The following VRK2 variants were observed in gnomAD, a reference collection of about 807,000 sequenced individuals.
The protein encoded by VRK2 is VRK serine/threonine kinase 2, also known as serine/threonine-protein kinase VRK2.
A neutral mutation model predicts 57.6 loss-of-function variants in VRK2; 60 were observed. The observed-to-expected ratio is 1.04, with a 90% CI of 0.85 to 1.29. VRK2 has a LOEUF of 1.29. Among genes scored for constraint, VRK2 ranks in the 50% most tolerant of loss-of-function variants. The pLI is 0.00. For missense variants in VRK2, 705 were observed against 588.1 expected (o/e 1.20, Z -2.06); for synonymous variants, 231 against 199.2 (o/e 1.16, Z -1.35).
At chr2:57,963,411 A>G (rs1220420672) in intron 1 of VRK2, among the ~76,000 whole-genome samples, 2 of 152,200 alleles carry the variant, frequency 1.3e-5, no homozygotes, top group African/African-American at 2.4e-5. Context: ...AACTGCAAAT[A>G]TATTTCTTTT....
rs562303754 is a variant in VRK2 at position 58,110,038 on chromosome 2, G to A, written c.544-13063G>A. Among the ~76,000 whole-genome samples the A allele has an allele frequency of 4.6e-5, 7 of 152,148 alleles. No individual in the cohort carries two copies. In the South Asian group the frequency reaches 1.5e-3, roughly 32 times the overall value. On this transcript the variant is annotated intron_variant, in intron 7 of 12. Transcript: ENST00000340157. ...CAGGCTTAACTAAGTGTAGAACTTGGGAATATGGCATACCTGTGTACAAAT... is the reference window on the plus strand; with the variant it reads ...CAGGCTTAACTAAGTGTAGAACTTGAGAATATGGCATACCTGTGTACAAAT...
At position 57,932,287 on chromosome 2, in the gene VRK2, G is replaced by C. The variant is rs182759219; in HGVS notation, c.-439+24448G>C. 1.8e-4 allele frequency among the ~76,000 whole-genome samples: 28 copies of C among 152,152 alleles called. 1 individual carries two copies. The highest frequency in any genetic ancestry group is 5.8e-4 in the East Asian group (3 of 5,178). On this transcript the variant is annotated intron_variant, in intron 1 of 15. Coordinates refer to the VRK2 transcript ENST00000417641. ...TGAGGAAGACTGGTATTTCTCTTTA[G>C]ATGTCTGATGGAATTTACCAGTGAA...
At chr2:58,123,258 A>G in intron 8 of VRK2, 25 bp downstream of exon 8, 2 of 1,571,346 alleles carry the variant, frequency 1.3e-6, no homozygotes, top group Non-Finnish European at 1.7e-6. Context: ...TCTTTTTCTT[A>G]TTTTTATTTC....
chr2:58,129,531 A>C (rs1678857377), intron 8 of VRK2, among the ~76,000 whole-genome samples: 2 of 152,210 alleles, frequency 1.3e-5, no homozygotes, highest in South Asian at 4.1e-4. Flanking sequence ...AAAAATTTTT[A>C]TAGTTAGACA....
chr2:58,066,679 T>C (rs1257949205), intron 2 of VRK2, among the ~76,000 whole-genome samples: 1 of 152,184 alleles, frequency 6.6e-6, no homozygotes, highest in Non-Finnish European at 1.5e-5. Context: ...TGTATAGTTA[T>C]ACAGTGAAGC....
At chr2:58,122,996 A>G (rs1167533209) in intron 7 of VRK2, 105 bp from the exon 8 acceptor site, 3 of 1,388,160 alleles carry the variant, frequency 2.2e-6, no homozygotes, top group African/African-American at 1.5e-5. Context: ...AATAAAATGT[A>G]GATCTGAGGC....
intron 1 of VRK2, among the ~76,000 whole-genome samples, chr2:57,910,677 G>GT (rs1383968077): frequency 6.6e-6 from 1 of 152,144 alleles, no homozygotes; most frequent in Non-Finnish European, 1.5e-5. Flanking sequence ...ATTTTCAAAT[G>GT]TTTGTTACCC....
chr2:57,984,527 G>A (rs1231933137), intron 1 of VRK2, among the ~76,000 whole-genome samples: 1 of 151,968 alleles, frequency 6.6e-6, no homozygotes, highest in Non-Finnish European at 1.5e-5. Flanking sequence ...GCTAACTATG[G>A]CACACACTTT....
At chr2:57,910,435 T>C (rs1435702226) in intron 1 of VRK2, among the ~76,000 whole-genome samples, 1 of 152,198 alleles carries the variant, frequency 6.6e-6, no homozygotes, top group Non-Finnish European at 1.5e-5. Flanking sequence ...TACCCCAGTC[T>C]CTTCATGACC....
rs544825152 is a variant in VRK2 at position 58,123,084 on chromosome 2, C to G, written c.544-17C>G. ...GAGGACAAAGGCATTATTCATTTGT[C>G]TGTGCTTGTCTTCCAGGTTTATCTT... On this transcript the variant is annotated splice_polypyrimidine_tract_variant and intron_variant, in intron 7 of 12. Coordinates refer to ENST00000340157, the MANE Select transcript of VRK2 (RefSeq NM_006296.7). The G allele has an allele frequency of 6.3e-7, 1 of 1,590,900 alleles. No individual in the cohort carries two copies. The highest frequency in any genetic ancestry group is 1.4e-5 in the African/African-American group (1 of 72,976).
chr2:58,058,576 T>C (rs907629506), intron 2 of VRK2: 1 of 270,174 alleles, frequency 3.7e-6, no homozygotes. Context: ...CACAGAAAAG[T>C]AAAAAAGAAT....
rs190348387 is a variant in VRK2, at chr2:58,048,823, A to G, written c.-5-4A>G. 8.7e-6 allele frequency: 14 copies of G among 1,613,322 alleles called. No homozygotes were observed. The Admixed American group carries it at 1.7e-4, about 19-fold the overall frequency. On this transcript the variant is annotated splice_polypyrimidine_tract_variant and splice_region_variant and intron_variant, in intron 1 of 12. Transcript: ENST00000340157. ...CCCATTTATCTCACCCCTTCTGCCA[A>G]CAGAAGTGATGCCACCAAAAAGAAA...
intron 5 of VRK2, among the ~76,000 whole-genome samples, chr2:58,087,674 T>A (rs1290797840): frequency 6.6e-6 from 1 of 152,126 alleles, no homozygotes; most frequent in Non-Finnish European, 1.5e-5. Flanking sequence ...ATATATGATC[T>A]TATCAAGAAA....
At chr2:58,027,467 A>T (rs1490005746) in intron 2 of VRK2, among the ~76,000 whole-genome samples, 1 of 152,118 alleles carries the variant, frequency 6.6e-6, no homozygotes. Context: ...AAACAGCAGA[A>T]AGCAGGATTT....
intron 8 of VRK2, among the ~76,000 whole-genome samples, chr2:58,123,835 A>G (rs1374017505): frequency 1.3e-5 from 2 of 151,906 alleles, no homozygotes; most frequent in Non-Finnish European, 2.9e-5. Flanking sequence ...AACCTGGGCG[A>G]CAGAGCAAGA....
intron 7 of VRK2, among the ~76,000 whole-genome samples, chr2:58,105,277 A>G (rs920497125): frequency 1.4e-4 from 21 of 152,000 alleles, no homozygotes; most frequent in African/African-American, 4.8e-4. Flanking sequence ...CAACCTGCAG[A>G]GTGGAAGAAA....
intron 7 of VRK2, among the ~76,000 whole-genome samples, chr2:58,108,621 C>G (rs10167028): frequency 0.077 from 11,761 of 152,174 alleles, 490 homozygotes; most frequent in South Asian, 0.13. Flanking sequence ...TCTTCCCTGT[C>G]TCCATCTGTG....
At chr2:57,939,947 T>C (rs991973623) in intron 1 of VRK2, among the ~76,000 whole-genome samples, 4 of 152,184 alleles carry the variant, frequency 2.6e-5, no homozygotes, top group African/African-American at 7.2e-5. Context: ...TCCCTCACAA[T>C]TGACAATGAG....
At chr2:58,113,987 T>C (rs1019492854) in intron 7 of VRK2, among the ~76,000 whole-genome samples, 11 of 152,014 alleles carry the variant, frequency 7.2e-5, no homozygotes, top group Non-Finnish European at 1.3e-4. Context: ...TTCAACAGGA[T>C]TAGGGGCAGT....
Sources: gnomAD v4.1 joint callset for allele counts (sites outside exome capture counted in the v4.1 genomes callset) on GRCh38, gnomAD v4.1.1 for gene constraint, MANE v1.5 for transcripts, NCBI Gene and HGNC (gene_info 2026-07-23, HGNC 2026-07-21) for gene names.